SAMD5: variants seen among roughly 807,000 people sequenced by gnomAD.
The protein encoded by SAMD5 is sterile alpha motif domain-containing protein 5.
In SAMD5, 13 loss-of-function variants were observed where a neutral mutation model predicts 11.3. That is an observed-to-expected ratio of 1.15 (90% CI 0.75 to 1.83). SAMD5 has a LOEUF of 1.83. Ranked by LOEUF, SAMD5 falls within the 40% of genes most tolerant of loss-of-function variation. The pLI, the probability that SAMD5 is intolerant of heterozygous loss-of-function variation, is 0.00. For synonymous variants in SAMD5, 129 were observed against 111.3 expected (o/e 1.16, Z -1.00); for missense variants, 255 against 239.1 (o/e 1.07, Z -0.44).
intron 1 of SAMD5, among the ~76,000 whole-genome samples, chr6:147,554,681 C>T (rs974492477): frequency 2.6e-5 from 4 of 152,184 alleles, no homozygotes; most frequent in Non-Finnish European, 5.9e-5. Context: ...TTCCAGACTT[C>T]CCAGTTCCTT....
At chr6:147,921,343 A>G in the SAMD5 span, among the ~76,000 whole-genome samples, 5 of 151,770 alleles carry the variant, frequency 3.3e-5, no homozygotes, top group African/African-American at 1.2e-4. Context: ...AGAAACAGGT[A>G]AGTCTTACCA....
chr6:147,889,690 G>A, the SAMD5 span, among the ~76,000 whole-genome samples: 2 of 152,272 alleles, frequency 1.3e-5, no homozygotes, highest in East Asian at 1.9e-4. Flanking sequence ...CAACAATGAC[G>A]GGATTATGAG....
the SAMD5 span, among the ~76,000 whole-genome samples, chr6:147,900,704 G>A: frequency 1.3e-5 from 2 of 152,158 alleles, no homozygotes; most frequent in African/African-American, 4.8e-5. Context: ...TAAGCAGCTC[G>A]CCTATTCAAA....
chr6:147,601,958 G>T (rs1157287432), intron 1 of SAMD5, among the ~76,000 whole-genome samples: 1 of 152,200 alleles, frequency 6.6e-6, no homozygotes, highest in Non-Finnish European at 1.5e-5. Context: ...TGTCCTAAAA[G>T]AAGGGGCTGA....
the SAMD5 span, among the ~76,000 whole-genome samples, chr6:147,948,291 A>AC: frequency 6.6e-6 from 1 of 151,334 alleles, no homozygotes; most frequent in Non-Finnish European, 1.5e-5. Context: ...AAAAAAAAAA[A>AC]CACGAATCAT....
chr6:147,606,978 A>AAC (rs397708065), intron 1 of SAMD5, among the ~76,000 whole-genome samples: 1 of 148,154 alleles, frequency 6.7e-6, no homozygotes, highest in African/African-American at 2.6e-5. Flanking sequence ...AAAAAAAAAA[A>AAC]CAGAAAGAGA....
intron 1 of SAMD5, among the ~76,000 whole-genome samples, chr6:147,672,474 A>G (rs1174874546): frequency 1.3e-5 from 2 of 152,188 alleles, no homozygotes; most frequent in African/African-American, 4.8e-5. Context: ...AATGTGTTAG[A>G]TATTTTCATG....
At chr6:147,548,331 C>T (rs930232019) in intron 1 of SAMD5, among the ~76,000 whole-genome samples, 1 of 152,134 alleles carries the variant, frequency 6.6e-6, no homozygotes, top group Non-Finnish European at 1.5e-5. Context: ...TTTCGGTACC[C>T]CACCACTCAT....
intron 1 of SAMD5, among the ~76,000 whole-genome samples, chr6:147,654,525 T>A (rs1790537255): frequency 1.3e-5 from 2 of 152,034 alleles, no homozygotes; most frequent in South Asian, 2.1e-4. Context: ...TATTATTATT[T>A]TTACCAAAAC....
At chr6:147,619,773 G>T (rs575731985) in intron 1 of SAMD5, among the ~76,000 whole-genome samples, 1 of 152,240 alleles carries the variant, frequency 6.6e-6, no homozygotes, top group African/African-American at 2.4e-5. Context: ...TGTCTGGAGA[G>T]GCCATCACAA....
At chr6:147,744,476 G>A in the SAMD5 span, among the ~76,000 whole-genome samples, 1 of 152,152 alleles carries the variant, frequency 6.6e-6, no homozygotes, top group African/African-American at 2.4e-5. Context: ...TACTGAAAGA[G>A]AAATGATTTT....
chr6:147,606,365 C>A (rs1335839713), intron 1 of SAMD5, among the ~76,000 whole-genome samples: 10 of 151,610 alleles, frequency 6.6e-5, no homozygotes, highest in Admixed American at 6.6e-4. Flanking sequence ...AATGTTGAGG[C>A]TTTAATAGTG....
the SAMD5 span, among the ~76,000 whole-genome samples, chr6:147,892,614 C>T: frequency 4.6e-5 from 7 of 152,106 alleles, no homozygotes; most frequent in Admixed American, 1.3e-4. Flanking sequence ...ATCTCTCACA[C>T]GTAATACTTA....
chr6:147,927,878 A>G, the SAMD5 span, among the ~76,000 whole-genome samples: 1 of 152,128 alleles, frequency 6.6e-6, no homozygotes, highest in Non-Finnish European at 1.5e-5. Flanking sequence ...AACATGAAGA[A>G]ATGTTAGATT....
At chr6:147,935,691 T>G in the SAMD5 span, among the ~76,000 whole-genome samples, 1,297 of 152,268 alleles carry the variant, frequency 8.5e-3, 16 homozygotes, top group African/African-American at 0.026. Context: ...AAAGATATGG[T>G]TCTAGAATGA....
At chr6:147,889,044 T>G in the SAMD5 span, among the ~76,000 whole-genome samples, 1 of 152,246 alleles carries the variant, frequency 6.6e-6, no homozygotes, top group African/African-American at 2.4e-5. Context: ...GGAAAGGTTT[T>G]GGCCACTTTT....
chr6:147,947,727 G>A, the SAMD5 span, among the ~76,000 whole-genome samples: 17 of 152,248 alleles, frequency 1.1e-4, no homozygotes, highest in African/African-American at 4.1e-4. Flanking sequence ...TCTTCGGTCT[G>A]GAAAAGAGCC....
At chr6:147,575,421 G>A (rs970210950) in intron 1 of SAMD5, among the ~76,000 whole-genome samples, 1 of 152,210 alleles carries the variant, frequency 6.6e-6, no homozygotes, top group African/African-American at 2.4e-5. Context: ...TCAAATGTGG[G>A]TTGCAGCTCT....
At chr6:147,562,716 G>T (rs888206242) in intron 1 of SAMD5, among the ~76,000 whole-genome samples, 1 of 152,150 alleles carries the variant, frequency 6.6e-6, no homozygotes, top group Non-Finnish European at 1.5e-5. Context: ...CAGCTATTCG[G>T]GAGGCTGAGG....
Sources: gnomAD v4.1 joint callset for allele counts (sites outside exome capture counted in the v4.1 genomes callset) on GRCh38, gnomAD v4.1.1 for gene constraint, MANE v1.5 for transcripts, NCBI Gene and HGNC (gene_info 2026-07-23, HGNC 2026-07-21) for gene names.